The following PPP2R5E variants were observed in gnomAD, a reference collection of about 807,000 sequenced individuals.
PPP2R5E encodes the protein protein phosphatase 2 regulatory subunit B'epsilon.
A neutral mutation model predicts 65.3 loss-of-function variants in PPP2R5E; 4 were observed. That is an observed-to-expected ratio of 0.06 (90% CI 0.03 to 0.14). PPP2R5E has a LOEUF of 0.14. Ranked by LOEUF, PPP2R5E falls within the 10% of genes least tolerant of loss-of-function variation. The pLI is 1.00. For synonymous variants in PPP2R5E, 183 were observed against 187.4 expected (o/e 0.98, Z 0.19); for missense variants, 274 against 556.1 (o/e 0.49, Z 5.10).
chr14:63,462,073 A>T (rs1594899787), intron 2 of PPP2R5E, among the ~76,000 whole-genome samples: 1 of 144,660 alleles, frequency 6.9e-6, no homozygotes. Context: ...TTTCAACTGT[A>T]TTTTTTTTTT....
At chr14:63,433,015 GTTTTTTGTTTTGTTTTGTTT>G (rs1887758124) in intron 3 of PPP2R5E, among the ~76,000 whole-genome samples, 1 of 116,736 alleles carries the variant, frequency 8.6e-6, no homozygotes, top group Non-Finnish European at 1.8e-5. Flanking sequence ...ATACAGTTTT[GTTTTTTGTTTTGTTTTGTTT>G]TTTTTTTTTT....
intron 2 of PPP2R5E, among the ~76,000 whole-genome samples, chr14:63,481,611 C>G (rs552546473): frequency 6.6e-6 from 1 of 151,810 alleles, no homozygotes; most frequent in Admixed American, 6.6e-5. Context: ...CAGTCCTATG[C>G]ATTTCATTGA....
At chr14:63,533,247 C>T (rs925339526) in intron 2 of PPP2R5E, among the ~76,000 whole-genome samples, 1 of 151,698 alleles carries the variant, frequency 6.6e-6, no homozygotes, top group Non-Finnish European at 1.5e-5. Context: ...CAGATATAGA[C>T]GAAAAAGGCA....
At chr14:63,508,321 A>G in intron 2 of PPP2R5E, 1 of 612,868 alleles carries the variant, frequency 1.6e-6, no homozygotes, top group Non-Finnish European at 2.0e-6. Flanking sequence ...TTGTTCTGTC[A>G]CTCTCACAAA....
intron 2 of PPP2R5E, among the ~76,000 whole-genome samples, chr14:63,459,964 A>G (rs1052329781): frequency 2.0e-5 from 3 of 152,194 alleles, no homozygotes; most frequent in Admixed American, 1.3e-4. Context: ...GGCTGCTTTT[A>G]GAAATCTTGC....
chr14:63,435,981 T>C lies in PPP2R5E; in HGVS notation c.355-13887A>G, dbSNP rs150432071. Among the ~76,000 whole-genome samples the C allele has an allele frequency of 6.5e-3, 992 of 152,298 alleles. 17 individuals are homozygous for C. The highest frequency in any genetic ancestry group is 0.037 in the Admixed American group (573 of 15,288). ...GAATCCAAAAATAGACGTGTAAACA[T>C]TGCAATAGTCATAGTGCTTACTGTG... On this transcript the variant is annotated intron_variant, in intron 3 of 13. Transcript: ENST00000337537.
At position 63,387,725 on chromosome 14, in the gene PPP2R5E, T is replaced by C. The variant is rs1884756027; in HGVS notation, c.1074+1887A>G. On this transcript the variant is annotated intron_variant, in intron 11 of 13. Coordinates refer to ENST00000337537, the MANE Select transcript of PPP2R5E (RefSeq NM_006246.5). ...CCCCTCCACAATTCATATGTTGAAG[T>C]CCTAATCCCCAACGTGACTATATTT... 3.3e-5 allele frequency among the ~76,000 whole-genome samples: 5 copies of C among 152,324 alleles called. No homozygotes were observed. The South Asian group carries it at 1.0e-3, about 32-fold the overall frequency.
chr14:63,482,906 G>A (rs2139601350), intron 2 of PPP2R5E, among the ~76,000 whole-genome samples: 1 of 152,274 alleles, frequency 6.6e-6, no homozygotes, highest in East Asian at 1.9e-4. Flanking sequence ...CTCAGACACT[G>A]TTCTAGGTAC....
intron 3 of PPP2R5E, among the ~76,000 whole-genome samples, chr14:63,430,389 A>G (rs111385953): frequency 0.013 from 1,869 of 142,534 alleles, 26 homozygotes; most frequent in African/African-American, 0.03. Flanking sequence ...ATACATACAT[A>G]CATACATACA....
At chr14:63,379,831 T>C (rs1171792388) in intron 13 of PPP2R5E, among the ~76,000 whole-genome samples, 42 of 124,182 alleles carry the variant, frequency 3.4e-4, no homozygotes, top group African/African-American at 1.1e-3. Context: ...TCTCTCTTTT[T>C]TTTTTTTTTT....
chr14:63,391,791 A>T (rs1178549860), intron 10 of PPP2R5E, 26 bp downstream of exon 10: 2 of 1,606,400 alleles, frequency 1.2e-6, no homozygotes, highest in Non-Finnish European at 8.5e-7. Flanking sequence ...GTAAGCTATG[A>T]ACACTCTCTG....
chr14:63,490,430 T>C (rs1272022244), intron 2 of PPP2R5E, among the ~76,000 whole-genome samples: 1 of 151,918 alleles, frequency 6.6e-6, no homozygotes, highest in East Asian at 1.9e-4. Flanking sequence ...GTGAAAGAAA[T>C]TATCAACAGA....
At chr14:63,520,229 G>A (rs1488600515) in intron 2 of PPP2R5E, among the ~76,000 whole-genome samples, 5 of 151,352 alleles carry the variant, frequency 3.3e-5, no homozygotes, top group African/African-American at 1.2e-4. Flanking sequence ...TAGAGATGGG[G>A]TTTCACCGTG....
In PPP2R5E at chr14:63,373,733, C is replaced by T. The variant is rs1420999191; in HGVS notation, c.*2276G>A. On this transcript the variant is annotated 3_prime_UTR_variant, in exon 14 of 14. Coordinates refer to ENST00000337537, the MANE Select transcript of PPP2R5E (RefSeq NM_006246.5). Reference sequence around the variant, plus strand: ...TGGCCTTTCTCATTTCAAATGACTGCATTTCATTCCAATGAGCAGAGATTC... The same window carrying T: ...TGGCCTTTCTCATTTCAAATGACTGTATTTCATTCCAATGAGCAGAGATTC... 2 of 152,128 alleles carry T rather than the reference C, an allele frequency of 1.3e-5. No individual in the cohort carries two copies. The highest frequency in any genetic ancestry group is 2.4e-5 in the African/African-American group (1 of 41,422). 9.4% of individuals were successfully genotyped at this position (152,128 alleles called of 1,614,324 possible).
chr14:63,440,948 C>CAAAAAA (rs374563795), intron 3 of PPP2R5E, among the ~76,000 whole-genome samples: 15,797 of 66,444 alleles, frequency 0.24, 1,946 homozygotes, highest in African/African-American at 0.31. Context: ...GACTCCATCT[C>CAAAAAA]AAAAAAAAAA....
Position 63,373,783 on chromosome 14 carries a change from C to T in PPP2R5E, c.*2226G>A, listed in dbSNP as rs1485937157. 1 of 152,028 alleles carries T rather than the reference C, an allele frequency of 6.6e-6. No individual in the cohort carries two copies. The highest frequency in any genetic ancestry group is 1.5e-5 in the Non-Finnish European group (1 of 67,988). The allele number at this position is 152,028 out of a possible 1,614,324, so 9.4% of individuals were successfully genotyped here. A position where few individuals can be genotyped will look rare whatever the true frequency, so the allele number is the denominator to read the frequency against. On this transcript the variant is annotated 3_prime_UTR_variant, in exon 14 of 14. Coordinates refer to ENST00000337537, the MANE Select transcript of PPP2R5E (RefSeq NM_006246.5). ...CTTCATAAACCTGTGATTTTAATGT[C>T]TTCTACCTAAAAAGATGAATTAATG...
chr14:63,482,453 C>A (rs775102410), intron 2 of PPP2R5E, among the ~76,000 whole-genome samples: 2 of 152,052 alleles, frequency 1.3e-5, no homozygotes, highest in Non-Finnish European at 1.5e-5. Context: ...AGTGGGACTC[C>A]GTCTTGGAAA....
intron 11 of PPP2R5E, 25 bp downstream of exon 11, chr14:63,389,587 G>A (rs1378746118): frequency 1.3e-6 from 2 of 1,577,422 alleles, no homozygotes; most frequent in Non-Finnish European, 1.7e-6. Flanking sequence ...CATGCTCCCT[G>A]GCTCATGTCC....
At chr14:63,505,443 TA>T (rs1228650495) in intron 2 of PPP2R5E, among the ~76,000 whole-genome samples, 1 of 152,166 alleles carries the variant, frequency 6.6e-6, no homozygotes, top group African/African-American at 2.4e-5. Flanking sequence ...CCATGGTCAT[TA>T]CGATACATTA....
Sources: allele counts gnomAD v4.1 joint callset (sites outside exome capture counted in the v4.1 genomes callset), GRCh38; gene constraint gnomAD v4.1.1; transcripts MANE v1.5; gene names NCBI Gene and HGNC (gene_info 2026-07-23, HGNC 2026-07-21).